FBXL7: variants seen among roughly 807,000 people sequenced by gnomAD.
FBXL7 encodes F-box/LRR-repeat protein 7.
A neutral mutation model predicts 38.3 loss-of-function variants in FBXL7; 12 were observed. The observed-to-expected ratio is 0.31, with a 90% CI of 0.20 to 0.51. The LOEUF (loss-of-function observed/expected upper bound fraction) is 0.51. Among genes scored for constraint, FBXL7 ranks in the 20% least tolerant of loss-of-function variants. FBXL7 has a pLI of 0.98. For synonymous variants in FBXL7, 297 were observed against 300.9 expected (o/e 0.99, Z 0.13); for missense variants, 567 against 676.4 (o/e 0.84, Z 1.79).
chr5:15,669,172 C>T (rs1262306921), intron 2 of FBXL7, among the ~76,000 whole-genome samples: 1 of 151,984 alleles, frequency 6.6e-6, no homozygotes, highest in Non-Finnish European at 1.5e-5. Context: ...TAATTGTAGC[C>T]TATCAATAAT....
At chr5:15,927,795 A>T in intron 2 of FBXL7, 95 bp from the exon 3 acceptor site, 8 of 882,318 alleles carry the variant, frequency 9.1e-6, no homozygotes, top group South Asian at 3.7e-5. Flanking sequence ...AAAGAAGAAG[A>T]AAGAAAAGAA....
At chr5:15,674,803 T>C (rs1485268933) in intron 2 of FBXL7, among the ~76,000 whole-genome samples, 2 of 152,228 alleles carry the variant, frequency 1.3e-5, no homozygotes, top group African/African-American at 4.8e-5. Flanking sequence ...AGTGTTTCCC[T>C]GTGTTATCAG....
chr5:15,673,891 A>G (rs1448623948), intron 2 of FBXL7, among the ~76,000 whole-genome samples: 2 of 152,176 alleles, frequency 1.3e-5, no homozygotes, highest in East Asian at 3.9e-4. Flanking sequence ...AAACAATGTG[A>G]CTCAAAGACA....
intron 2 of FBXL7, among the ~76,000 whole-genome samples, chr5:15,660,029 G>A (rs1742008761): frequency 6.6e-6 from 1 of 152,180 alleles, no homozygotes; most frequent in Non-Finnish European, 1.5e-5. Flanking sequence ...CACCATCACA[G>A]TTTCATCTAA....
intron 2 of FBXL7, among the ~76,000 whole-genome samples, chr5:15,678,514 CT>C (rs141731669): frequency 0.025 from 3,831 of 152,222 alleles, 87 homozygotes; most frequent in East Asian, 0.052. Flanking sequence ...CAGCTGTTGT[CT>C]TGAGAGAAAT....
chr5:15,663,121 C>G (rs376444584), intron 2 of FBXL7, among the ~76,000 whole-genome samples: 1 of 152,084 alleles, frequency 6.6e-6, no homozygotes, highest in East Asian at 1.9e-4. Context: ...ATTGATTCTT[C>G]CTATTCATGA....
intron 2 of FBXL7, among the ~76,000 whole-genome samples, chr5:15,693,355 G>A (rs963774909): frequency 1.8e-4 from 27 of 152,220 alleles, no homozygotes; most frequent in African/African-American, 5.5e-4. Context: ...AAGCTCCCCC[G>A]GGTGCCTGGG....
At chr5:15,627,000 A>T (rs1340293778) in intron 2 of FBXL7, among the ~76,000 whole-genome samples, 1 of 152,190 alleles carries the variant, frequency 6.6e-6, no homozygotes, top group Non-Finnish European at 1.5e-5. Context: ...TCCTCCCCTT[A>T]GATGGGTTTT....
chr5:15,580,518 A>T, intron 1 of FBXL7: 1 of 549,118 alleles, frequency 1.8e-6, no homozygotes, highest in Non-Finnish European at 2.3e-6. Context: ...CTAAAAACAG[A>T]GTTTTAGTCT....
At chr5:15,670,706 CA>C (rs1742437080) in intron 2 of FBXL7, among the ~76,000 whole-genome samples, 2 of 152,042 alleles carry the variant, frequency 1.3e-5, no homozygotes, top group South Asian at 4.1e-4. Flanking sequence ...GAGGCTGAGA[CA>C]GGAGAATCGC....
chr5:15,924,385 A>G (rs965878124), intron 2 of FBXL7, among the ~76,000 whole-genome samples: 1 of 152,256 alleles, frequency 6.6e-6, no homozygotes, highest in African/African-American at 2.4e-5. Flanking sequence ...GACAGAAACA[A>G]GGAAAGGATG....
At chr5:15,628,801 C>A (rs556041533) in intron 2 of FBXL7, among the ~76,000 whole-genome samples, 23 of 152,114 alleles carry the variant, frequency 1.5e-4, no homozygotes, top group African/African-American at 5.1e-4. Context: ...TTATGCTTGG[C>A]TTTTTACAAC....
chr5:15,723,655 A>G (rs1453989794), intron 2 of FBXL7, among the ~76,000 whole-genome samples: 1 of 152,244 alleles, frequency 6.6e-6, no homozygotes, highest in Non-Finnish European at 1.5e-5. Flanking sequence ...TAGTAACATA[A>G]TTGGAGAATG....
At chr5:15,522,616 A>G (rs1355972323) in intron 1 of FBXL7, among the ~76,000 whole-genome samples, 1 of 152,220 alleles carries the variant, frequency 6.6e-6, no homozygotes, top group Non-Finnish European at 1.5e-5. Context: ...AAATAGTAAC[A>G]TTAGTTAGCC....
intron 2 of FBXL7, among the ~76,000 whole-genome samples, chr5:15,867,214 G>A (rs955993603): frequency 1.3e-5 from 2 of 152,142 alleles, no homozygotes; most frequent in African/African-American, 4.8e-5. Context: ...CCTAAAGCAG[G>A]TGGCTTTCAG....
chr5:15,817,117 C>T (rs1470443903), intron 2 of FBXL7, among the ~76,000 whole-genome samples: 1 of 152,116 alleles, frequency 6.6e-6, no homozygotes, highest in Non-Finnish European at 1.5e-5. Flanking sequence ...TCTGACTGAA[C>T]CCCAGTTTTT....
intron 2 of FBXL7, among the ~76,000 whole-genome samples, chr5:15,640,682 C>G (rs1000288103): frequency 1.3e-5 from 2 of 152,102 alleles, no homozygotes; most frequent in African/African-American, 4.8e-5. Context: ...TGCCACCACA[C>G]CCGGCTAATT....
At chr5:15,929,657 G>A (rs1409077480) in intron 3 of FBXL7, among the ~76,000 whole-genome samples, 1 of 150,154 alleles carries the variant, frequency 6.7e-6, no homozygotes, top group Non-Finnish European at 1.5e-5. Context: ...AAAAATCGAA[G>A]GAAATCCCAG....
intron 1 of FBXL7, among the ~76,000 whole-genome samples, chr5:15,568,980 T>G (rs1316837224): frequency 6.6e-6 from 1 of 152,210 alleles, no homozygotes; most frequent in Non-Finnish European, 1.5e-5. Flanking sequence ...CCCTGCTGTT[T>G]TTGTTACTAT....
Sources: gnomAD v4.1 joint callset for allele counts (sites outside exome capture counted in the v4.1 genomes callset) on GRCh38, gnomAD v4.1.1 for gene constraint, MANE v1.5 for transcripts, NCBI Gene and HGNC (gene_info 2026-07-23, HGNC 2026-07-21) for gene names.